FOXP1: variants seen among roughly 807,000 people sequenced by gnomAD.
FOXP1 encodes forkhead box protein P1.
In FOXP1, 15 loss-of-function variants were observed where a neutral mutation model predicts 98.2. That is an observed-to-expected ratio of 0.15 (90% confidence interval 0.10 to 0.24). The LOEUF (loss-of-function observed/expected upper bound fraction) is 0.24. Among genes scored for constraint, FOXP1 ranks in the 10% least tolerant of loss-of-function variants. FOXP1 has a pLI of 1.00. For missense variants in FOXP1, 633 were observed against 848.5 expected (o/e 0.75, Z 3.15); for synonymous variants, 371 against 314.5 (o/e 1.18, Z -1.90).
chr3:71,099,641 C>G (rs1410320280), intron 7 of FOXP1, among the ~76,000 whole-genome samples: 1 of 152,208 alleles, frequency 6.6e-6, no homozygotes, highest in Non-Finnish European at 1.5e-5. Flanking sequence ...GCCACATTCT[C>G]TAGATAAGAA....
At position 71,576,500 on chromosome 3, in the gene FOXP1, T is replaced by A. The variant is rs546611569; in HGVS notation, c.-298+5049A>T. Reference sequence around the variant, plus strand: ...AGATATTTACAGGGCTTGACAGTACTTCTGTCTTTAATTAAATTTTTGCCC... The same window carrying A: ...AGATATTTACAGGGCTTGACAGTACATCTGTCTTTAATTAAATTTTTGCCC... On this transcript the variant is annotated intron_variant, in intron 2 of 20. Coordinates refer to ENST00000649528, the MANE Select transcript of FOXP1 (RefSeq NM_001349338.3). Among the ~76,000 whole-genome samples the A allele has an allele frequency of 3.9e-5, 6 of 152,352 alleles. 1 individual carries two copies. Among genetic ancestry groups the A allele is most frequent in the African/African-American group, 1.4e-4 (6 of 41,574 alleles).
intron 4 of FOXP1, among the ~76,000 whole-genome samples, chr3:71,310,499 A>T (rs552987156): frequency 3.9e-5 from 6 of 152,352 alleles, no homozygotes; most frequent in Non-Finnish European, 8.8e-5. Context: ...TGCTGGAGGC[A>T]GACGTTCTCT....
intron 5 of FOXP1, among the ~76,000 whole-genome samples, chr3:71,258,808 T>G (rs2068849984): frequency 6.6e-6 from 1 of 152,116 alleles, no homozygotes. Flanking sequence ...ATTAACAAAG[T>G]CAATGTTGAC....
chr3:71,340,741 G>C (rs2076963390), intron 4 of FOXP1, among the ~76,000 whole-genome samples: 1 of 152,036 alleles, frequency 6.6e-6, no homozygotes, highest in Non-Finnish European at 1.5e-5. Context: ...TTAATATATT[G>C]ATTAAATAAA....
At chr3:71,328,361 T>A (rs1339477056) in intron 4 of FOXP1, among the ~76,000 whole-genome samples, 2 of 152,134 alleles carry the variant, frequency 1.3e-5, no homozygotes, top group Non-Finnish European at 2.9e-5. Context: ...CACACATAGA[T>A]CTTATTTGGT....
chr3:71,334,004 AG>A (rs2076514865), intron 4 of FOXP1: 2 of 152,326 alleles, frequency 1.3e-5, no homozygotes, highest in Admixed American at 1.3e-4. Context: ...AAAAAAAACT[AG>A]AAGGTTAAAA....
chr3:71,562,032 C>G (rs534343290), intron 2 of FOXP1, among the ~76,000 whole-genome samples: 30 of 152,226 alleles, frequency 2.0e-4, no homozygotes, highest in South Asian at 1.7e-3. Context: ...GAAAAAGGGC[C>G]AAGCATGGAG....
chr3:71,003,417 C>G (rs1016647829), intron 12 of FOXP1, among the ~76,000 whole-genome samples: 4 of 151,346 alleles, frequency 2.6e-5, no homozygotes, highest in Non-Finnish European at 5.9e-5. Context: ...TTCCCTAAGA[C>G]TCCTTATTTT....
At chr3:71,001,264 G>C (rs2042090766) in intron 12 of FOXP1, among the ~76,000 whole-genome samples, 1 of 152,158 alleles carries the variant, frequency 6.6e-6, no homozygotes, top group Admixed American at 6.5e-5. Flanking sequence ...CCAAAGAAAA[G>C]CCTTCCAGGG....
chr3:71,037,706 T>A (rs919737502), intron 11 of FOXP1, among the ~76,000 whole-genome samples: 1 of 152,100 alleles, frequency 6.6e-6, no homozygotes, highest in African/African-American at 2.4e-5. Flanking sequence ...TCGGAGAAAA[T>A]CAAAGCACGA....
intron 5 of FOXP1, among the ~76,000 whole-genome samples, chr3:71,222,833 C>T (rs1429788676): frequency 3.3e-5 from 5 of 152,134 alleles, no homozygotes; most frequent in African/African-American, 4.8e-5. Context: ...TCTCCTTTAC[C>T]GATTATTTCT....
intron 3 of FOXP1, among the ~76,000 whole-genome samples, chr3:71,367,045 T>C (rs2078973635): frequency 6.6e-6 from 1 of 152,228 alleles, no homozygotes; most frequent in South Asian, 2.1e-4. Context: ...TTCTGAGTCA[T>C]TTGCTCATTA....
At chr3:70,970,940 G>A in intron 18 of FOXP1, 135 bp from the exon 19 acceptor site, 6 of 724,492 alleles carry the variant, frequency 8.3e-6, no homozygotes, top group Non-Finnish European at 1.2e-5. Flanking sequence ...AGAAAAGTCA[G>A]GCTTTCTCCC....
intron 5 of FOXP1, among the ~76,000 whole-genome samples, chr3:71,287,626 G>T (rs1003469203): frequency 9.9e-5 from 15 of 151,598 alleles, no homozygotes; most frequent in Non-Finnish European, 2.2e-4. Flanking sequence ...CTAAAAATAC[G>T]AAAATTAGCT....
At chr3:71,438,325 A>T (rs538493562) in intron 3 of FOXP1, among the ~76,000 whole-genome samples, 12 of 152,182 alleles carry the variant, frequency 7.9e-5, no homozygotes, top group Non-Finnish European at 1.5e-4. Flanking sequence ...CATCGGCCGG[A>T]AAGTACTGGT....
At chr3:71,333,032 G>C (rs1440588123) in intron 4 of FOXP1, 1 of 152,280 alleles carries the variant, frequency 6.6e-6, no homozygotes, top group African/African-American at 2.4e-5. Flanking sequence ...ATTAAGAAAA[G>C]TCTGCAGAGC....
chr3:71,091,643 A>G (rs1228795209), intron 7 of FOXP1, among the ~76,000 whole-genome samples: 1 of 152,236 alleles, frequency 6.6e-6, no homozygotes, highest in East Asian at 1.9e-4. Context: ...TGTCTCATCA[A>G]TATCTCAAGC....
At chr3:71,256,262 A>G (rs2068612418) in intron 5 of FOXP1, among the ~76,000 whole-genome samples, 1 of 152,026 alleles carries the variant, frequency 6.6e-6, no homozygotes, top group Non-Finnish European at 1.5e-5. Context: ...GACTCCAGAG[A>G]GGAAACTGCG....
At chr3:71,070,982 C>A (rs1042515946) in intron 7 of FOXP1, among the ~76,000 whole-genome samples, 4 of 152,132 alleles carry the variant, frequency 2.6e-5, no homozygotes, top group Non-Finnish European at 5.9e-5. Flanking sequence ...TGTGGAATCC[C>A]CTCCAAGATA....
Sources: gnomAD v4.1 joint callset for allele counts (sites outside exome capture counted in the v4.1 genomes callset) on GRCh38, gnomAD v4.1.1 for gene constraint, MANE v1.5 for transcripts, NCBI Gene and HGNC (gene_info 2026-07-23, HGNC 2026-07-21) for gene names.